The following USH2A variants were observed in gnomAD, a reference collection of about 807,000 sequenced individuals.
The protein encoded by USH2A is usherin, also known as Usher syndrome 2A (autosomal recessive, mild).
Under a neutral mutation model 538.9 loss-of-function variants are expected in USH2A, and 443 were observed. The ratio of observed to expected loss-of-function variants is 0.82; its 90% CI spans 0.76 to 0.89. USH2A has a LOEUF of 0.89. Among genes scored for constraint, USH2A ranks in the 40% least tolerant of loss-of-function variants. USH2A has a pLI of 0.00. For synonymous variants in USH2A, 2,413 were observed against 2,273.5 expected (o/e 1.06, Z -1.75); for missense variants, 6,633 against 6,324.8 (o/e 1.05, Z -1.65).
chr1:216,258,034 A>G (rs530648137), intron 11 of USH2A, among the ~76,000 whole-genome samples: 1 of 152,204 alleles, frequency 6.6e-6, no homozygotes, highest in African/African-American at 2.4e-5. Context: ...TGATTGATGC[A>G]TTTACATCCT....
At chr1:216,095,432 T>A (rs1337932534) in intron 22 of USH2A, among the ~76,000 whole-genome samples, 2 of 152,320 alleles carry the variant, frequency 1.3e-5, no homozygotes, top group African/African-American at 2.4e-5. Context: ...TTTTAAAAAT[T>A]TTTTTCAGTT....
At chr1:215,791,471 T>C (rs1470213955) in intron 50 of USH2A, among the ~76,000 whole-genome samples, 1 of 152,212 alleles carries the variant, frequency 6.6e-6, no homozygotes, top group Non-Finnish European at 1.5e-5. Flanking sequence ...GTTTGGCACA[T>C]GCCTTAAGAA....
intron 21 of USH2A, 152 bp from the exon 22 acceptor site, chr1:216,097,365 G>T: frequency 7.5e-7 from 1 of 1,338,264 alleles, no homozygotes; most frequent in South Asian, 1.4e-5. Flanking sequence ...AGGCCATTTG[G>T]TTTTAAATAT....
At chr1:215,884,667 G>A (rs555208853) in intron 41 of USH2A, among the ~76,000 whole-genome samples, 1 of 152,216 alleles carries the variant, frequency 6.6e-6, no homozygotes, top group African/African-American at 2.4e-5. Context: ...TTTGTCTGTG[G>A]TTTATTTTAA....
At chr1:216,034,831 G>A (rs1182326872) in intron 32 of USH2A, among the ~76,000 whole-genome samples, 1 of 152,128 alleles carries the variant, frequency 6.6e-6, no homozygotes, top group Non-Finnish European at 1.5e-5. Context: ...CAAACTTCTA[G>A]CCTCTCAAAC....
At chr1:215,967,785 C>T (rs944493223) in intron 36 of USH2A, among the ~76,000 whole-genome samples, 3 of 151,508 alleles carry the variant, frequency 2.0e-5, no homozygotes, top group Non-Finnish European at 4.4e-5. Context: ...TGTGTTTGTA[C>T]ATGTGTATTT....
chr1:215,654,262 C>T (rs867954704), intron 64 of USH2A, among the ~76,000 whole-genome samples: 1 of 152,076 alleles, frequency 6.6e-6, no homozygotes, highest in Non-Finnish European at 1.5e-5. Context: ...TGTTGGTTTG[C>T]TGCACCCATG....
chr1:215,752,280 A>G (rs1174027112), intron 58 of USH2A, among the ~76,000 whole-genome samples: 2 of 152,310 alleles, frequency 1.3e-5, no homozygotes, highest in African/African-American at 2.4e-5. Context: ...CAAAATTTTT[A>G]TAAGGATATG....
intron 21 of USH2A, among the ~76,000 whole-genome samples, chr1:216,151,299 A>G (rs2033826761): frequency 6.6e-6 from 1 of 152,022 alleles, no homozygotes; most frequent in African/African-American, 2.4e-5. Flanking sequence ...GCCTCGCACA[A>G]GGTCTCTTCT....
chr1:215,993,490 A>G (rs12751131), intron 34 of USH2A, among the ~76,000 whole-genome samples: 5 of 145,458 alleles, frequency 3.4e-5, no homozygotes, highest in African/African-American at 1.3e-4. Flanking sequence ...CCTTGCACAA[A>G]GGTTCCCAGA....
rs1661664042 is a variant in USH2A, at chr1:215,782,207, C to G, written c.10586-11G>C. The G allele has an allele frequency of 6.2e-7, 1 of 1,613,286 alleles. No individual in the cohort carries two copies. The highest frequency in any genetic ancestry group is 8.5e-7 in the Non-Finnish European group (1 of 1,179,550). ...AGTAAATAATAGGACCTAAAAGAAG[C>G]AGAAAAATGACTGCATTTGAATGTG... On this transcript the variant is annotated splice_polypyrimidine_tract_variant and intron_variant, in intron 53 of 71. Coordinates refer to ENST00000307340, the MANE Select transcript of USH2A (RefSeq NM_206933.4).
intron 32 of USH2A, among the ~76,000 whole-genome samples, chr1:216,026,036 G>A (rs1668957196): frequency 6.6e-6 from 1 of 152,038 alleles, no homozygotes; most frequent in South Asian, 2.1e-4. Flanking sequence ...TTAAAGGTGT[G>A]GTATACGAGA....
chr1:216,405,047 C>T (rs575431932), intron 3 of USH2A, among the ~76,000 whole-genome samples: 190 of 149,642 alleles, frequency 1.3e-3, no homozygotes, highest in African/African-American at 1.5e-3. Flanking sequence ...GCCAATTTTT[C>T]GTAAAGACAA....
At chr1:215,734,499 G>A (rs963462511) in intron 60 of USH2A, among the ~76,000 whole-genome samples, 77 of 152,156 alleles carry the variant, frequency 5.1e-4, no homozygotes, top group African/African-American at 1.6e-3. Context: ...TCACTCCACA[G>A]TCTGCTTGAA....
At chr1:215,767,057 C>T (rs944573968) in intron 55 of USH2A, among the ~76,000 whole-genome samples, 4 of 152,154 alleles carry the variant, frequency 2.6e-5, no homozygotes, top group African/African-American at 9.7e-5. Flanking sequence ...ATTCCCTATA[C>T]AAGATGTCAT....
intron 46 of USH2A, among the ~76,000 whole-genome samples, chr1:215,843,609 T>C (rs927367466): frequency 6.6e-6 from 1 of 152,166 alleles, no homozygotes; most frequent in African/African-American, 2.4e-5. Flanking sequence ...GTACACTGAC[T>C]TCATAAGATT....
chr1:216,125,260 G>T (rs1445251783), intron 21 of USH2A, among the ~76,000 whole-genome samples: 1 of 149,138 alleles, frequency 6.7e-6, no homozygotes, highest in African/African-American at 2.5e-5. Context: ...AATCCTCATA[G>T]AATCTGTTAT....
At chr1:216,012,034 C>T (rs1393546230) in intron 32 of USH2A, among the ~76,000 whole-genome samples, 1 of 66,676 alleles carries the variant, frequency 1.5e-5, no homozygotes, top group Admixed American at 2.1e-4. Context: ...GGCCGGACTG[C>T]GGACTGCAGT....
intron 11 of USH2A, among the ~76,000 whole-genome samples, chr1:216,257,242 T>C (rs1240676089): frequency 6.6e-6 from 1 of 151,974 alleles, no homozygotes; most frequent in East Asian, 1.9e-4. Flanking sequence ...TCTTTCATTA[T>C]ATGTATTGCA....
Sources: allele counts gnomAD v4.1 joint callset (sites outside exome capture counted in the v4.1 genomes callset), GRCh38; gene constraint gnomAD v4.1.1; transcripts MANE v1.5; gene names NCBI Gene and HGNC (gene_info 2026-07-23, HGNC 2026-07-21).